The following FRS2 variants were observed in gnomAD, a reference collection of about 807,000 sequenced individuals.
FRS2 encodes the protein fibroblast growth factor receptor substrate 2.
FRS2 carries 8 observed loss-of-function variants against 43.9 expected under a neutral mutation model. The ratio of observed to expected loss-of-function variants is 0.18; its 90% CI spans 0.11 to 0.33. The LOEUF (loss-of-function observed/expected upper bound fraction) is 0.33. FRS2 is among the 10% of genes least tolerant of loss of function. The probability of loss-of-function intolerance (pLI) is 1.00; values close to 1 mark genes in which losing one functional copy is unlikely to be tolerated. For missense variants in FRS2, 534 were observed against 627.6 expected, an observed-to-expected ratio of 0.85 and a Z score of 1.59; for synonymous variants, 219 against 220.3, an observed-to-expected ratio of 0.99 and a Z score of 0.05.
intron 1 of FRS2, among the ~76,000 whole-genome samples, chr12:69,483,728 G>A (rs959081164): frequency 6.6e-6 from 1 of 152,166 alleles, no homozygotes; most frequent in Non-Finnish European, 1.5e-5. Context: ...GAGAAATACT[G>A]CAGAAAACAC....
chr12:69,540,683 G>A (rs777195108), intron 3 of FRS2, among the ~76,000 whole-genome samples: 8 of 152,212 alleles, frequency 5.3e-5, no homozygotes, highest in Non-Finnish European at 8.8e-5. Context: ...TGTGGGCTGT[G>A]CATGCCTTTC....
At chr12:69,538,166 A>G (rs1196362402) in intron 3 of FRS2, among the ~76,000 whole-genome samples, 1 of 147,030 alleles carries the variant, frequency 6.8e-6, no homozygotes, top group Middle Eastern at 3.2e-3. Flanking sequence ...AAATAGGAAA[A>G]TGTTTAATAA....
intron 6 of FRS2, 44 bp downstream of exon 6, chr12:69,570,561 T>G: frequency 8.4e-7 from 1 of 1,188,160 alleles, no homozygotes; most frequent in Admixed American, 1.9e-5. Flanking sequence ...TTTGAAATTG[T>G]TTTTTCAGCT....
intron 4 of FRS2, among the ~76,000 whole-genome samples, chr12:69,564,445 A>G (rs1169555485): frequency 6.6e-6 from 1 of 152,060 alleles, no homozygotes; most frequent in Non-Finnish European, 1.5e-5. Flanking sequence ...GCACTTGGAC[A>G]TTTCCCTGGG....
At chr12:69,488,396 A>T (rs1872150969) in intron 1 of FRS2, among the ~76,000 whole-genome samples, 1 of 152,218 alleles carries the variant, frequency 6.6e-6, no homozygotes, top group African/African-American at 2.4e-5. Flanking sequence ...TGATCAGATG[A>T]TCATTAGCAT....
At position 69,471,388 on chromosome 12, in the gene FRS2, T is replaced by C. The variant is rs544880792; in HGVS notation, c.-261+858T>C. 2.6e-4 allele frequency among the ~76,000 whole-genome samples: 39 copies of C among 152,372 alleles called. 1 individual carries two copies. The South Asian group carries it at 7.9e-3, about 31-fold the overall frequency. ...TTGATTTTAAAGAGTTGGACAGTTA[T>C]ATCCTTTCTCCCAAAGTTTGTTTAC... On this transcript the variant is annotated intron_variant, in intron 1 of 8. Coordinates refer to ENST00000549921, the MANE Select transcript of FRS2 (RefSeq NM_001278356.2).
At position 69,485,111 on chromosome 12, in the gene FRS2, A is replaced by ACG. The variant is rs973178570; in HGVS notation, c.-261+14582_-261+14583insGC. Among the ~76,000 whole-genome samples the ACG allele has an allele frequency of 1.8e-4, 26 of 147,100 alleles. No homozygotes were observed. The East Asian group carries it at 4.1e-3, about 23-fold the overall frequency. On this transcript the variant is annotated intron_variant, in intron 1 of 8. Transcript: ENST00000549921. ...CACACACACACACACACACACACAC[A>ACG]CACACACACACACACACACACACAC...
intron 3 of FRS2, among the ~76,000 whole-genome samples, chr12:69,546,925 T>C (rs487536): frequency 0.093 from 14,210 of 152,258 alleles, 876 homozygotes; most frequent in Non-Finnish European, 0.14. Flanking sequence ...TGTACACCCA[T>C]ATCTATTTGT....
In FRS2 at chr12:69,577,026, A is replaced by G. The variant is rs1881238321; in HGVS notation, c.*2071A>G. ...ACCATTGCACATTTTTTTCTGAAACAGCCAGTCAAGGCAGAACATTAATCT... is the reference window on the plus strand; with the variant it reads ...ACCATTGCACATTTTTTTCTGAAACGGCCAGTCAAGGCAGAACATTAATCT... On this transcript the variant is annotated 3_prime_UTR_variant, in exon 9 of 9. Transcript: ENST00000549921. 1.3e-5 allele frequency: 2 copies of G among 152,628 alleles called. No homozygotes were observed. Among genetic ancestry groups the G allele is most frequent in the Non-Finnish European group, 2.9e-5 (2 of 68,032 alleles). The allele number at this position is 152,628 out of a possible 1,614,324, so 9.5% of individuals were successfully genotyped here. A position where few individuals can be genotyped will look rare whatever the true frequency, so the allele number is the denominator to read the frequency against.
chr12:69,492,535 C>T (rs1047105433), intron 1 of FRS2, among the ~76,000 whole-genome samples: 6 of 152,134 alleles, frequency 3.9e-5, no homozygotes, highest in African/African-American at 1.4e-4. Context: ...AGACAAAGAA[C>T]CATCTGTATG....
chr12:69,511,051 G>A (rs1377753849), intron 1 of FRS2, among the ~76,000 whole-genome samples: 2 of 152,074 alleles, frequency 1.3e-5, no homozygotes, highest in Non-Finnish European at 2.9e-5. Context: ...ATACTATAAG[G>A]TATCCAACTC....
chr12:69,482,664 A>C (rs1367303829), intron 1 of FRS2, among the ~76,000 whole-genome samples: 1 of 152,214 alleles, frequency 6.6e-6, no homozygotes, highest in East Asian at 1.9e-4. Context: ...TATATATTTA[A>C]AATGAATGTA....
chr12:69,552,184 C>T (rs923829303), intron 3 of FRS2, among the ~76,000 whole-genome samples: 9 of 151,320 alleles, frequency 5.9e-5, no homozygotes, highest in Non-Finnish European at 1.2e-4. Flanking sequence ...TGCCTGTAAT[C>T]CCAGCTACTC....
intron 1 of FRS2, among the ~76,000 whole-genome samples, chr12:69,492,167 T>C (rs1872545896): frequency 6.6e-6 from 1 of 152,242 alleles, no homozygotes. Context: ...AATTTTACTT[T>C]ATGTGGATAG....
At chr12:69,564,005 C>A (rs1255874711) in intron 4 of FRS2, among the ~76,000 whole-genome samples, 1 of 152,128 alleles carries the variant, frequency 6.6e-6, no homozygotes, top group East Asian at 1.9e-4. Context: ...TATAAGCCTG[C>A]ATAAATCTAT....
intron 1 of FRS2, among the ~76,000 whole-genome samples, chr12:69,498,635 A>G (rs576226701): frequency 4.6e-5 from 7 of 151,566 alleles, no homozygotes; most frequent in South Asian, 2.1e-4. Context: ...AATTCTTCCA[A>G]TGTGGCCCAG....
intron 1 of FRS2, among the ~76,000 whole-genome samples, chr12:69,511,657 A>C (rs1874467228): frequency 6.6e-6 from 1 of 152,164 alleles, no homozygotes; most frequent in Non-Finnish European, 1.5e-5. Flanking sequence ...TCTATGATCC[A>C]TTACAAAGGA....
intron 1 of FRS2, among the ~76,000 whole-genome samples, chr12:69,485,373 G>A (rs1004610687): frequency 6.6e-6 from 1 of 151,942 alleles, no homozygotes; most frequent in African/African-American, 2.4e-5. Context: ...TGGTAGAGAC[G>A]GGGTTTCACC....
intron 3 of FRS2, among the ~76,000 whole-genome samples, chr12:69,560,012 T>C (rs1323039745): frequency 6.6e-6 from 1 of 152,170 alleles, no homozygotes; most frequent in Non-Finnish European, 1.5e-5. Flanking sequence ...CACATATACC[T>C]TCCTAAGCAC....
Sources: gnomAD v4.1 joint callset for allele counts (sites outside exome capture counted in the v4.1 genomes callset) on GRCh38, gnomAD v4.1.1 for gene constraint, MANE v1.5 for transcripts, NCBI Gene and HGNC (gene_info 2026-07-23, HGNC 2026-07-21) for gene names.